Variants in AUTS2 observed in about 807,000 individuals in gnomAD.
The protein encoded by AUTS2 is autism susceptibility gene 2 protein.
Under a neutral mutation model 112.4 loss-of-function variants are expected in AUTS2, and 17 were observed. That is an observed-to-expected ratio of 0.15 (90% CI 0.10 to 0.23). The LOEUF is 0.23. Among genes scored for constraint, AUTS2 ranks in the 10% least tolerant of loss-of-function variants. AUTS2 has a pLI of 1.00. For missense variants in AUTS2, 1,510 were observed against 1,701.6 expected (o/e 0.89, Z 1.98); for synonymous variants, 751 against 702.7 (o/e 1.07, Z -1.09).
At chr7:70,497,922 G>A (rs968041215) in intron 5 of AUTS2, among the ~76,000 whole-genome samples, 1 of 152,114 alleles carries the variant, frequency 6.6e-6, no homozygotes, top group Non-Finnish European at 1.5e-5. Flanking sequence ...TACTCCAGCC[G>A]CAATAGTCCA....
intron 2 of AUTS2, among the ~76,000 whole-genome samples, chr7:70,072,538 ACAT>A (rs1197885742): frequency 6.6e-6 from 1 of 152,208 alleles, no homozygotes; most frequent in East Asian, 1.9e-4. Flanking sequence ...TAATGTGCTG[ACAT>A]CAGAGAGATA....
chr7:70,217,345 T>G (rs1811222133), intron 4 of AUTS2, among the ~76,000 whole-genome samples: 1 of 152,170 alleles, frequency 6.6e-6, no homozygotes, highest in Admixed American at 6.5e-5. Context: ...GTGGGTGACA[T>G]GGACTACTTA....
At chr7:69,635,173 C>T (rs2129108516) in intron 1 of AUTS2, among the ~76,000 whole-genome samples, 1 of 152,264 alleles carries the variant, frequency 6.6e-6, no homozygotes, top group South Asian at 2.1e-4. Flanking sequence ...AGCACCTTGG[C>T]ATTTTCCTTA....
chr7:70,000,854 C>A (rs184168021), intron 2 of AUTS2, among the ~76,000 whole-genome samples: 1 of 151,518 alleles, frequency 6.6e-6, no homozygotes, highest in Non-Finnish European at 1.5e-5. Context: ...TTCTTTTGCC[C>A]GCCTCCTTTA....
intron 5 of AUTS2, among the ~76,000 whole-genome samples, chr7:70,529,960 A>G (rs573741185): frequency 6.6e-6 from 1 of 152,364 alleles, no homozygotes; most frequent in African/African-American, 2.4e-5. Context: ...GATAAACAGT[A>G]GCTTGCAGTT....
intron 1 of AUTS2, among the ~76,000 whole-genome samples, chr7:69,823,776 AAAAC>A (rs1791110727): frequency 6.6e-6 from 1 of 152,168 alleles, no homozygotes; most frequent in Non-Finnish European, 1.5e-5. Flanking sequence ...GGTGGAAAAA[AAAAC>A]AAAAAACCAG....
At chr7:70,568,355 G>A (rs964725512) in intron 5 of AUTS2, among the ~76,000 whole-genome samples, 6 of 152,144 alleles carry the variant, frequency 3.9e-5, no homozygotes, top group African/African-American at 1.2e-4. Context: ...TAAGGATAAC[G>A]GGAGTACCTA....
At position 70,074,539 on chromosome 7, in the gene AUTS2, T is replaced by C. The variant is rs143807287; in HGVS notation, c.523-43593T>C. Among the ~76,000 whole-genome samples the C allele has an allele frequency of 2.9e-3, 437 of 152,350 alleles. 1 individual carries two copies. Among genetic ancestry groups the C allele is most frequent in the Middle Eastern group, 0.01 (3 of 294 alleles). ...TCTTTATCCCTCTCCTTAAAAACCC[T>C]GTTTAAGGATTAGTGTCCTTGCAGT... On this transcript the variant is annotated intron_variant, in intron 2 of 18. Transcript: ENST00000342771.
At chr7:69,920,664 C>G (rs1795774548) in intron 2 of AUTS2, among the ~76,000 whole-genome samples, 1 of 152,040 alleles carries the variant, frequency 6.6e-6, no homozygotes, top group South Asian at 2.1e-4. Flanking sequence ...TTCCCTATAC[C>G]CTATTTATGT....
At chr7:70,427,472 T>G (rs1795482920) in intron 4 of AUTS2, among the ~76,000 whole-genome samples, 1 of 152,208 alleles carries the variant, frequency 6.6e-6, no homozygotes, top group Non-Finnish European at 1.5e-5. Flanking sequence ...CAAAGATTTG[T>G]GAAATATTCA....
At chr7:69,895,553 C>T (rs1001913511) in intron 1 of AUTS2, among the ~76,000 whole-genome samples, 20 of 146,410 alleles carry the variant, frequency 1.4e-4, no homozygotes, top group African/African-American at 4.2e-4. Context: ...TCCCCCCCCC[C>T]GAGTGGAAAA....
chr7:70,003,749 G>C lies in AUTS2; in HGVS notation c.522+104251G>C, dbSNP rs1269573531. Among the ~76,000 whole-genome samples, 3 of 122,652 alleles carry C rather than the reference G, an allele frequency of 2.4e-5. No homozygotes were observed. The East Asian group carries it at 7.0e-4, about 29-fold the overall frequency. The allele number at this position is 122,652 out of a possible 152,430, so 80.5% of individuals were successfully genotyped here. A position where few individuals can be genotyped will look rare whatever the true frequency, so the allele number is the denominator to read the frequency against. On this transcript the variant is annotated intron_variant, in intron 2 of 18. Coordinates refer to ENST00000342771, the MANE Select transcript of AUTS2 (RefSeq NM_015570.4). ...GAATATATATAATATATATGAATGT[G>C]TTATATATGAATATATATAATATAT...
intron 17 of AUTS2, among the ~76,000 whole-genome samples, chr7:70,786,649 C>G (rs543556041): frequency 6.6e-6 from 1 of 152,230 alleles, no homozygotes; most frequent in East Asian, 1.9e-4. Flanking sequence ...TTCTTTCATG[C>G]TACATACCAT....
intron 2 of AUTS2, among the ~76,000 whole-genome samples, chr7:70,008,565 G>A (rs1457570825): frequency 6.6e-6 from 1 of 152,138 alleles, no homozygotes; most frequent in Non-Finnish European, 1.5e-5. Flanking sequence ...AAATGTGCAA[G>A]AAGTTTTTTG....
intron 2 of AUTS2, among the ~76,000 whole-genome samples, chr7:69,999,081 T>C (rs1467761041): frequency 1.3e-5 from 2 of 152,184 alleles, no homozygotes. Context: ...ATATATAGTC[T>C]CACAAATGAG....
intron 1 of AUTS2, among the ~76,000 whole-genome samples, chr7:69,601,527 G>A (rs1284165123): frequency 6.6e-6 from 1 of 151,926 alleles, no homozygotes; most frequent in Non-Finnish European, 1.5e-5. Context: ...GTGGTGGATG[G>A]TGGCCAGTGG....
intron 2 of AUTS2, among the ~76,000 whole-genome samples, chr7:69,916,738 A>C (rs1427440357): frequency 6.6e-6 from 1 of 152,042 alleles, no homozygotes; most frequent in Non-Finnish European, 1.5e-5. Flanking sequence ...TATCCTATGT[A>C]TTTCTTATCT....
At position 70,763,332 on chromosome 7, in the gene AUTS2, A is replaced by G. The variant is rs1196456301; in HGVS notation, c.1205A>G (p.Asn402Ser). Residue 402 changes from asparagine (N) to serine (S), a missense_variant, in exon 7 of 19, where the codon AAC becomes AGC. By Grantham distance (46) the Asn-to-Ser change is conservative. Transcript: ENST00000342771. ...TACAACAGCAGTAGCTTAAGCCTCA[A>G]CAGTTTAAGGTGAGTGGCCTGCTCT... is the stretch of plus-strand genomic sequence containing the variant. ...SAYNSSSLSL[N>S]SLSSSRSSTP... 9 of 1,570,826 alleles carry G rather than the reference A, an allele frequency of 5.7e-6. No individual in the cohort carries two copies. The highest frequency in any genetic ancestry group is 7.8e-6 in the Non-Finnish European group (9 of 1,156,882).
In AUTS2 at chr7:70,791,434, G is replaced by A. The variant is rs1791954850; in HGVS notation, c.*438G>A. ...GAGCTAATGGTTCATATATGCAAAA[G>A]GGTAAGATGAAAGCTTTACTTTGTA... On this transcript the variant is annotated 3_prime_UTR_variant, in exon 19 of 19. Transcript: ENST00000342771. 6.3e-6 allele frequency: 1 copy of A among 158,362 alleles called. No individual in the cohort carries two copies. Among genetic ancestry groups the A allele is most frequent in the Non-Finnish European group, 1.4e-5 (1 of 72,280 alleles). 9.8% of individuals were successfully genotyped at this position (158,362 alleles called of 1,614,324 possible).
Sources: gnomAD v4.1 joint callset for allele counts (sites outside exome capture counted in the v4.1 genomes callset) on GRCh38, gnomAD v4.1.1 for gene constraint, MANE v1.5 for transcripts, NCBI Gene and HGNC (gene_info 2026-07-23, HGNC 2026-07-21) for gene names.